DACH2: variants seen among roughly 807,000 people sequenced by gnomAD.
DACH2 encodes the protein dachshund family transcription factor 2, also known as dachshund homolog 2.
In DACH2, 17 loss-of-function variants were observed where a neutral mutation model predicts 35.8. The observed-to-expected ratio is 0.48, with a 90% CI of 0.33 to 0.71. DACH2 has a LOEUF of 0.71. Ranked by LOEUF, DACH2 falls within the 30% of genes least tolerant of loss-of-function variation. DACH2 has a pLI of 0.02. For missense variants in DACH2, 469 were observed against 472.7 expected (o/e 0.99, Z 0.07); for synonymous variants, 195 against 177.3 (o/e 1.10, Z -0.79).
intron 1 of DACH2, among the ~76,000 whole-genome samples, chrX:86,190,419 T>C (rs1397380979): frequency 9.0e-6 from 1 of 111,676 alleles, no homozygotes; most frequent in Non-Finnish European, 1.9e-5. Context: ...GCAGACGTTT[T>C]AATCTACTTC....
At chrX:86,753,199 C>T (rs946101452) in intron 7 of DACH2, among the ~76,000 whole-genome samples, 2 of 110,977 alleles carry the variant, frequency 1.8e-5, no homozygotes, top group Non-Finnish European at 3.8e-5. Flanking sequence ...GATTTTCATG[C>T]TAACTGTCTA....
At chrX:86,556,729 T>C (rs1202211641) in intron 3 of DACH2, among the ~76,000 whole-genome samples, 1 of 89,533 alleles carries the variant, frequency 1.1e-5, no homozygotes, top group Non-Finnish European at 2.2e-5. Flanking sequence ...GTCAGAGTTC[T>C]ACAGAGAAAC....
intron 7 of DACH2, among the ~76,000 whole-genome samples, chrX:86,806,838 T>C (rs980322146): frequency 1.8e-5 from 2 of 111,898 alleles, no homozygotes; most frequent in African/African-American, 6.5e-5. Context: ...TTTTCCTATA[T>C]GAAAAATAGG....
chrX:86,707,716 A>T (rs760801703), intron 5 of DACH2, among the ~76,000 whole-genome samples: 4 of 109,284 alleles, frequency 3.7e-5, no homozygotes, highest in Admixed American at 9.8e-5. Context: ...AGAGATCGAG[A>T]CCATCCTGGC....
At chrX:86,788,548 A>T (rs1477070463) in intron 7 of DACH2, among the ~76,000 whole-genome samples, 1 of 112,108 alleles carries the variant, frequency 8.9e-6, no homozygotes, top group Non-Finnish European at 1.9e-5. Context: ...GCAAAACATT[A>T]TTTGTAATCA....
chrX:86,643,101 A>C (rs932372792), intron 3 of DACH2, among the ~76,000 whole-genome samples: 3 of 110,380 alleles, frequency 2.7e-5, no homozygotes, highest in Non-Finnish European at 5.7e-5. Context: ...AGAAATAACA[A>C]AAATCAGAGC....
intron 3 of DACH2, among the ~76,000 whole-genome samples, chrX:86,530,004 C>CACAA (rs1556296728): frequency 3.9e-5 from 4 of 103,712 alleles, no homozygotes; most frequent in African/African-American, 7.0e-5. Flanking sequence ...CACACACACA[C>CACAA]AATCACATTT....
At chrX:86,611,441 C>G (rs1216681087) in intron 3 of DACH2, among the ~76,000 whole-genome samples, 1 of 111,100 alleles carries the variant, frequency 9.0e-6, no homozygotes, top group African/African-American at 3.3e-5. Flanking sequence ...GGGTTACATG[C>G]CCCTTAAGTC....
At chrX:86,673,624 C>T (rs1005487837) in intron 4 of DACH2, among the ~76,000 whole-genome samples, 1 of 110,808 alleles carries the variant, frequency 9.0e-6, no homozygotes, top group African/African-American at 3.3e-5. Context: ...TAAGTTGAGA[C>T]TTGGGGGACT....
At chrX:86,169,586 T>C (rs1385251074) in intron 1 of DACH2, among the ~76,000 whole-genome samples, 2 of 110,524 alleles carry the variant, frequency 1.8e-5, no homozygotes, top group African/African-American at 6.6e-5. Flanking sequence ...TCGTATTCTC[T>C]TTTTTTGTCT....
At chrX:86,212,936 G>A (rs865881969) in intron 1 of DACH2, among the ~76,000 whole-genome samples, 1 of 111,083 alleles carries the variant, frequency 9.0e-6, no homozygotes, top group Non-Finnish European at 1.9e-5. Flanking sequence ...ACTTACTTCC[G>A]CCATAGAATA....
chrX:86,315,836 C>CAGAGAG (rs1335928510), intron 1 of DACH2, among the ~76,000 whole-genome samples: 2,227 of 77,738 alleles, frequency 0.029, 57 homozygotes, highest in South Asian at 0.088. Context: ...CACACACACA[C>CAGAGAG]ACACAGAGAG....
chrX:86,537,333 C>T (rs188896242), intron 3 of DACH2, among the ~76,000 whole-genome samples: 1 of 111,465 alleles, frequency 9.0e-6, no homozygotes, highest in East Asian at 2.8e-4. Flanking sequence ...TTTCCTTCCT[C>T]CAGGTCTTCT....
At chrX:86,610,377 C>G (rs1556338260) in intron 3 of DACH2, among the ~76,000 whole-genome samples, 20 of 54,625 alleles carry the variant, frequency 3.7e-4, no homozygotes, top group South Asian at 1.3e-3. Flanking sequence ...TTCTTTCTTT[C>G]TTTCTTTCTT....
intron 7 of DACH2, among the ~76,000 whole-genome samples, chrX:86,795,020 A>G (rs1335539743): frequency 1.8e-5 from 2 of 111,091 alleles, no homozygotes; most frequent in Non-Finnish European, 3.8e-5. Context: ...AGCCAAGAAG[A>G]GGAAGTAATT....
chrX:86,779,157 G>A (rs1425363867), intron 7 of DACH2, among the ~76,000 whole-genome samples: 1 of 111,752 alleles, frequency 8.9e-6, no homozygotes, highest in Non-Finnish European at 1.9e-5. Flanking sequence ...TGTAATAAGT[G>A]TTATGGAAAT....
chrX:86,637,472 C>A (rs1248337660), intron 3 of DACH2, among the ~76,000 whole-genome samples: 3 of 110,686 alleles, frequency 2.7e-5, no homozygotes, highest in African/African-American at 9.9e-5. Context: ...ACAGAATCAA[C>A]CTAAATTCCC....
chrX:86,420,115 C>T (rs758682702), intron 2 of DACH2, among the ~76,000 whole-genome samples: 1 of 111,739 alleles, frequency 8.9e-6, no homozygotes, highest in Non-Finnish European at 1.9e-5. Flanking sequence ...CTGTTGGCTT[C>T]GGATCCTCAT....
chrX:86,248,485 G>A (rs1177933297), intron 1 of DACH2, among the ~76,000 whole-genome samples: 1 of 110,939 alleles, frequency 9.0e-6, no homozygotes, highest in Non-Finnish European at 1.9e-5. Context: ...ATACGCAAAT[G>A]AGGAAGGTTA....
Sources: gnomAD v4.1 joint callset for allele counts (sites outside exome capture counted in the v4.1 genomes callset) on GRCh38, gnomAD v4.1.1 for gene constraint, MANE v1.5 for transcripts, NCBI Gene and HGNC (gene_info 2026-07-23, HGNC 2026-07-21) for gene names.